PCDH15: variants seen among roughly 807,000 people sequenced by gnomAD.
The protein encoded by PCDH15 is protocadherin-15.
In PCDH15, 129 loss-of-function variants were observed where a neutral mutation model predicts 178.5. The observed-to-expected ratio is 0.72, with a 90% CI of 0.63 to 0.84. The LOEUF is 0.84. Among genes scored for constraint, PCDH15 ranks in the 40% least tolerant of loss-of-function variants. The pLI, the probability that PCDH15 is intolerant of heterozygous loss-of-function variation, is 0.00. For synonymous variants in PCDH15, 800 were observed against 732.0 expected, an observed-to-expected ratio of 1.09 and a Z score of -1.50; for missense variants, 2,230 against 2,099.9, an observed-to-expected ratio of 1.06 and a Z score of -1.21.
intron 33 of PCDH15, among the ~76,000 whole-genome samples, chr10:53,819,166 C>A (rs530766034): frequency 6.6e-6 from 1 of 152,006 alleles, no homozygotes; most frequent in African/African-American, 2.4e-5. Flanking sequence ...AGAAATAATT[C>A]AGGTAGGGAA....
At chr10:54,751,496 CAA>C (rs987651087) in intron 1 of PCDH15, among the ~76,000 whole-genome samples, 3 of 152,116 alleles carry the variant, frequency 2.0e-5, no homozygotes, top group African/African-American at 7.2e-5. Context: ...TAATCTAGCA[CAA>C]AGAGCTCAGA....
chr10:54,241,458 T>G (rs939361985), intron 8 of PCDH15, among the ~76,000 whole-genome samples: 19 of 152,192 alleles, frequency 1.2e-4, no homozygotes, highest in African/African-American at 4.6e-4. Flanking sequence ...GGGCAGAAAT[T>G]ATCTTATTTG....
intron 3 of PCDH15, among the ~76,000 whole-genome samples, chr10:54,837,690 G>T (rs1037136743): frequency 5.3e-5 from 8 of 152,082 alleles, no homozygotes; most frequent in Non-Finnish European, 7.4e-5. Flanking sequence ...AAGAATAGGA[G>T]ATCCCCTGCT....
intron 8 of PCDH15, among the ~76,000 whole-genome samples, chr10:54,254,691 T>C (rs2056764476): frequency 6.6e-6 from 1 of 152,184 alleles, no homozygotes; most frequent in African/African-American, 2.4e-5. Flanking sequence ...ATGTTTGAAA[T>C]TATCATGACC....
chr10:54,593,502 T>TG (rs2092016934), intron 2 of PCDH15, among the ~76,000 whole-genome samples: 1 of 152,184 alleles, frequency 6.6e-6, no homozygotes, highest in South Asian at 2.1e-4. Flanking sequence ...GATTTATTTC[T>TG]GGGCTCTCTG....
chr10:55,207,884 A>C (rs865800413), intron 1 of PCDH15, among the ~76,000 whole-genome samples: 5 of 152,124 alleles, frequency 3.3e-5, no homozygotes, highest in Non-Finnish European at 7.3e-5. Context: ...CAGGAGAATC[A>C]CTTGAACCTG....
chr10:54,702,806 A>G (rs2095323979), intron 1 of PCDH15, among the ~76,000 whole-genome samples: 1 of 152,058 alleles, frequency 6.6e-6, no homozygotes, highest in African/African-American at 2.4e-5. Flanking sequence ...ATTTCTGCTG[A>G]AACTATTCCA....
At chr10:55,570,885 T>C (rs924046813) in intron 2 of PCDH15, among the ~76,000 whole-genome samples, 2 of 152,074 alleles carry the variant, frequency 1.3e-5, no homozygotes, top group Non-Finnish European at 2.9e-5. Context: ...AGCTTGGCAT[T>C]AGCAAAGGCA....
chr10:55,354,440 A>C (rs1017729328), intron 2 of PCDH15, among the ~76,000 whole-genome samples: 1 of 152,086 alleles, frequency 6.6e-6, no homozygotes, highest in Non-Finnish European at 1.5e-5. Context: ...ATAACAATAC[A>C]ACAGGATAAG....
intron 17 of PCDH15, among the ~76,000 whole-genome samples, chr10:54,070,920 T>C (rs1377675126): frequency 1.3e-5 from 2 of 152,206 alleles, no homozygotes; most frequent in South Asian, 2.1e-4. Context: ...GTTGTTGTTG[T>C]TTTTTAATAG....
intron 2 of PCDH15, among the ~76,000 whole-genome samples, chr10:55,110,457 G>A (rs1303620908): frequency 3.9e-5 from 6 of 152,040 alleles, no homozygotes; most frequent in Admixed American, 1.3e-4. Flanking sequence ...CCAGAATTAA[G>A]TCTCACTTAA....
chr10:54,952,520 G>T (rs941813581), intron 2 of PCDH15, among the ~76,000 whole-genome samples: 4 of 151,618 alleles, frequency 2.6e-5, no homozygotes, highest in Admixed American at 2.6e-4. Flanking sequence ...TTTCAAATCC[G>T]CTTGTCAGTA....
intron 2 of PCDH15, among the ~76,000 whole-genome samples, chr10:55,149,183 G>A (rs1418043773): frequency 6.6e-6 from 1 of 151,132 alleles, no homozygotes; most frequent in Non-Finnish European, 1.5e-5. Context: ...CAGAAAACAT[G>A]ATTATTTGCA....
intron 1 of PCDH15, among the ~76,000 whole-genome samples, chr10:54,686,801 G>A (rs577543434): frequency 1.3e-5 from 2 of 152,170 alleles, no homozygotes; most frequent in East Asian, 1.9e-4. Context: ...AAAAGGCTCT[G>A]TACAGCAAAG....
intron 21 of PCDH15, among the ~76,000 whole-genome samples, chr10:53,985,229 T>C (rs2091010831): frequency 6.6e-6 from 1 of 152,172 alleles, no homozygotes; most frequent in South Asian, 2.1e-4. Flanking sequence ...CTTTATATAA[T>C]GGTATTGCTT....
At chr10:55,369,260 T>C (rs1845439021) in intron 2 of PCDH15, among the ~76,000 whole-genome samples, 1 of 151,918 alleles carries the variant, frequency 6.6e-6, no homozygotes, top group Non-Finnish European at 1.5e-5. Context: ...TTCATAATGC[T>C]AGGTAAGTAG....
intron 29 of PCDH15, among the ~76,000 whole-genome samples, chr10:53,838,306 G>A (rs1409358539): frequency 6.6e-6 from 1 of 151,774 alleles, no homozygotes; most frequent in Non-Finnish European, 1.5e-5. Flanking sequence ...TATATATTCT[G>A]TTTTTTCCTT....
intron 2 of PCDH15, among the ~76,000 whole-genome samples, chr10:54,548,132 C>A (rs561024241): frequency 3.9e-4 from 56 of 145,390 alleles, no homozygotes; most frequent in African/African-American, 1.2e-3. Context: ...CCAAAAAAAA[C>A]CCATATATAT....
At chr10:55,598,415 T>C (rs903269348) in intron 2 of PCDH15, among the ~76,000 whole-genome samples, 34 of 150,494 alleles carry the variant, frequency 2.3e-4, no homozygotes, top group African/African-American at 7.6e-4. Context: ...CGGTGCTTTA[T>C]AGCCTTCTAG....
Sources: gnomAD v4.1 joint callset for allele counts (sites outside exome capture counted in the v4.1 genomes callset) on GRCh38, gnomAD v4.1.1 for gene constraint, MANE v1.5 for transcripts, NCBI Gene and HGNC (gene_info 2026-07-23, HGNC 2026-07-21) for gene names.